The following PYGO1 variants were observed in gnomAD, a reference collection of about 807,000 sequenced individuals.
The protein encoded by PYGO1 is pygopus homolog 1.
Under a neutral mutation model 29.5 loss-of-function variants are expected in PYGO1, and 6 were observed. That is an observed-to-expected ratio of 0.20 (90% CI 0.11 to 0.40). The LOEUF is 0.40. Among genes scored for constraint, PYGO1 ranks in the 10% least tolerant of loss-of-function variants. PYGO1 has a pLI of 1.00. For missense variants in PYGO1, 515 were observed against 514.9 expected, an observed-to-expected ratio of 1.00 and a Z score of 0.00; for synonymous variants, 186 against 180.5, an observed-to-expected ratio of 1.03 and a Z score of -0.24.
At chr15:55,582,409 A>AT (rs1274890027) in intron 1 of PYGO1, among the ~76,000 whole-genome samples, 1 of 151,850 alleles carries the variant, frequency 6.6e-6, no homozygotes, top group African/African-American at 2.4e-5. Flanking sequence ...TCATTAGTCC[A>AT]TTCTTCCTTC....
intron 1 of PYGO1, among the ~76,000 whole-genome samples, chr15:55,560,851 A>G (rs1414723140): frequency 6.6e-6 from 1 of 152,080 alleles, no homozygotes; most frequent in Non-Finnish European, 1.5e-5. Context: ...AGTCTCAGCT[A>G]CTCGGGAGGC....
intron 1 of PYGO1, among the ~76,000 whole-genome samples, chr15:55,552,500 T>G (rs774693539): frequency 2.0e-5 from 3 of 151,780 alleles, no homozygotes; most frequent in African/African-American, 7.3e-5. Context: ...AGTGAACAAC[T>G]TGACCCACAG....
chr15:55,587,797 C>T (rs1170956948), intron 1 of PYGO1, 38 bp downstream of exon 1: 3 of 1,472,928 alleles, frequency 2.0e-6, no homozygotes, highest in South Asian at 1.3e-5. Context: ...GCACCTCACT[C>T]ACCCCGGTTC....
intron 1 of PYGO1, among the ~76,000 whole-genome samples, chr15:55,567,786 G>T (rs570278229): frequency 6.6e-6 from 1 of 152,104 alleles, no homozygotes; most frequent in Non-Finnish European, 1.5e-5. Context: ...ATGGTGATAG[G>T]TATGGGTCCA....
rs2058831362 is a variant in PYGO1 at position 55,542,363 on chromosome 15, A to G, written c.*3660T>C. On this transcript the variant is annotated 3_prime_UTR_variant, in exon 3 of 3. Transcript: ENST00000563719. Reference sequence around the variant, plus strand: ...TAGATTTCTTTACACTGTGTTTATGAAGAATAAGCACTAGTACAAGAAAAT... The same window carrying G: ...TAGATTTCTTTACACTGTGTTTATGGAGAATAAGCACTAGTACAAGAAAAT... The G allele has an allele frequency of 6.6e-6, 1 of 152,224 alleles. No homozygotes were observed. The highest frequency in any genetic ancestry group is 2.4e-5 in the African/African-American group (1 of 41,446). The allele number at this position is 152,224 out of a possible 1,614,324, so 9.4% of individuals were successfully genotyped here.
At chr15:55,583,357 C>T (rs2099662) in intron 1 of PYGO1, among the ~76,000 whole-genome samples, 63,484 of 150,680 alleles carry the variant, frequency 0.42, 14,092 homozygotes, top group Admixed American at 0.53. Context: ...TCTACAAATA[C>T]GTTTAAGTCT....
intron 1 of PYGO1, among the ~76,000 whole-genome samples, chr15:55,570,357 T>G (rs2058975186): frequency 6.6e-6 from 1 of 152,190 alleles, no homozygotes; most frequent in Non-Finnish European, 1.5e-5. Flanking sequence ...GCTTTTGTTT[T>G]TAAGAAAAAT....
intron 1 of PYGO1, among the ~76,000 whole-genome samples, chr15:55,580,318 C>A (rs556868636): frequency 2.6e-4 from 39 of 152,088 alleles, no homozygotes; most frequent in Admixed American, 2.6e-3. Flanking sequence ...AAGAAGAAAA[C>A]CATTTCTGTT....
At chr15:55,563,467 C>T (rs1340241102) in intron 1 of PYGO1, among the ~76,000 whole-genome samples, 2 of 150,766 alleles carry the variant, frequency 1.3e-5, no homozygotes, top group Non-Finnish European at 1.5e-5. Flanking sequence ...CCTGGGTTCA[C>T]GTGATTCTCC....
chr15:55,544,520 T>G lies in PYGO1; in HGVS notation c.*1503A>C, dbSNP rs2058841222. The G allele has an allele frequency of 6.6e-6, 1 of 152,210 alleles. No homozygotes were observed. The highest frequency in any genetic ancestry group is 2.1e-4 in the South Asian group (1 of 4,834). 9.4% of individuals were successfully genotyped at this position (152,210 alleles called of 1,614,324 possible). A position where few individuals can be genotyped will look rare whatever the true frequency, so the allele number is the denominator to read the frequency against. ...ACATGTGAGGTCGAGTCCTTGTCTGTGAAAGTGTAGGTTCTTGTGTGTTAC... is the reference window on the plus strand; with the variant it reads ...ACATGTGAGGTCGAGTCCTTGTCTGGGAAAGTGTAGGTTCTTGTGTGTTAC... On this transcript the variant is annotated 3_prime_UTR_variant, in exon 3 of 3. Coordinates refer to ENST00000563719, the MANE Select transcript of PYGO1 (RefSeq NM_001367806.1).
Position 55,587,772 on chromosome 15 carries a change from G to A in PYGO1, c.49+63C>T, listed in dbSNP as rs2059054996. On this transcript the variant is annotated intron_variant, in intron 1 of 2. Transcript: ENST00000563719. The stretch of plus-strand genomic sequence containing the variant: ...GAGCCCCATGGCCTCCCGGCGGCCG[G>A]GCACGGGGCCCCGCGCACCTCACTC... The A allele has an allele frequency of 4.1e-6, 6 of 1,450,544 alleles. No individual in the cohort carries two copies. In the Admixed American group the frequency reaches 1.4e-4, roughly 33 times the overall value. 89.9% of individuals were successfully genotyped at this position (1,450,544 alleles called of 1,614,324 possible). A position where few individuals can be genotyped will look rare whatever the true frequency, so the allele number is the denominator to read the frequency against.
intron 1 of PYGO1, among the ~76,000 whole-genome samples, chr15:55,570,057 C>A (rs2058974024): frequency 6.6e-6 from 1 of 152,196 alleles, no homozygotes; most frequent in South Asian, 2.1e-4. Flanking sequence ...TTTCCCTCTA[C>A]CTGAGTTGCT....
In PYGO1 at chr15:55,546,835, G is replaced by T; in HGVS notation, c.448C>A (p.Pro150Thr). Residue 150 changes from proline (P) to threonine (T), a missense_variant, in exon 3 of 3, where the codon CCA becomes ACA. Physicochemically the swap from Pro to Thr is conservative, Grantham distance 38. Coordinates refer to ENST00000563719, the MANE Select transcript of PYGO1 (RefSeq NM_001367806.1). Reference protein sequence around the residue: ...FNRPHAFNFGPHDNSSFGNPS... With the variant: ...FNRPHAFNFGTHDNSSFGNPS... ...TTACCGAAACTTGAATTATCATGTG[G>T]CCCAAAGTTAAAAGCATGAGGTCGA... 1.2e-6 allele frequency: 2 copies of T among 1,613,958 alleles called. No homozygotes were observed. Among genetic ancestry groups the T allele is most frequent in the Non-Finnish European group, 1.7e-6 (2 of 1,179,944 alleles).
At chr15:55,560,762 A>G (rs1458455737) in intron 1 of PYGO1, among the ~76,000 whole-genome samples, 2 of 152,146 alleles carry the variant, frequency 1.3e-5, no homozygotes, top group Non-Finnish European at 2.9e-5. Flanking sequence ...GGAGTTTGAG[A>G]TCAGCCTGGC....
At chr15:55,549,258 G>T (rs553679254) in intron 1 of PYGO1, among the ~76,000 whole-genome samples, 8 of 152,004 alleles carry the variant, frequency 5.3e-5, no homozygotes, top group Non-Finnish European at 1.2e-4. Flanking sequence ...TTAGTAACTG[G>T]TTCCCTGTCT....
Position 55,546,024 on chromosome 15 carries a change from T to C in PYGO1, c.1259A>G (p.Ter420=). ...FGPSAVGSDA[*] ...ACCCACTTTAGTTAATGCCTTTGATTAAGCATCACTGCCCACTGCAGATGG... is the reference window on the plus strand; with the variant it reads ...ACCCACTTTAGTTAATGCCTTTGATCAAGCATCACTGCCCACTGCAGATGG... Residue 420 remains the stop codon, a stop_retained_variant, in exon 3 of 3, where the codon TAA becomes TGA. Coordinates refer to ENST00000563719, the MANE Select transcript of PYGO1 (RefSeq NM_001367806.1). The C allele has an allele frequency of 6.3e-7, 1 of 1,592,820 alleles. No homozygotes were observed. The highest frequency in any genetic ancestry group is 8.6e-7 in the Non-Finnish European group (1 of 1,166,270).
intron 1 of PYGO1, among the ~76,000 whole-genome samples, chr15:55,555,639 G>A (rs529836503): frequency 1.3e-5 from 2 of 151,878 alleles, no homozygotes; most frequent in African/African-American, 2.4e-5. Context: ...AAACCTGCAC[G>A]TTGTGCACAT....
intron 1 of PYGO1, among the ~76,000 whole-genome samples, chr15:55,561,062 C>T (rs909658887): frequency 1.3e-5 from 2 of 152,134 alleles, no homozygotes; most frequent in Admixed American, 1.3e-4. Context: ...AAGGTGGAGG[C>T]ATCACACTAC....
chr15:55,561,244 C>A (rs1047799357), intron 1 of PYGO1, among the ~76,000 whole-genome samples: 6 of 152,134 alleles, frequency 3.9e-5, no homozygotes, highest in Admixed American at 2.0e-4. Flanking sequence ...GGAATAGATT[C>A]TCTATTTAAT....
Sources: allele counts gnomAD v4.1 joint callset (sites outside exome capture counted in the v4.1 genomes callset), GRCh38; gene constraint gnomAD v4.1.1; transcripts MANE v1.5; gene names NCBI Gene and HGNC (gene_info 2026-07-23, HGNC 2026-07-21).